FAM169A: variants seen among roughly 807,000 people sequenced by gnomAD.
FAM169A encodes the protein soluble lamin-associated protein of 75 kDa.
In FAM169A, 24 loss-of-function variants were observed where a neutral mutation model predicts 75.7. The observed-to-expected ratio is 0.32, with a 90% CI of 0.23 to 0.45. The LOEUF (loss-of-function observed/expected upper bound fraction) is 0.45, where lower values mean the gene tolerates loss of function less well. Ranked by LOEUF, FAM169A falls within the 20% of genes least tolerant of loss-of-function variation. The pLI, the probability that FAM169A is intolerant of heterozygous loss-of-function variation, is 1.00. For synonymous variants in FAM169A, 271 were observed against 271.0 expected (o/e 1.00, Z 0.00); for missense variants, 673 against 784.0 (o/e 0.86, Z 1.69).
chr5:74,799,747 T>G lies in FAM169A; in HGVS notation c.1103+1133A>C. 5 of 1,140,070 alleles carry G rather than the reference T, an allele frequency of 4.4e-6. No individual in the cohort carries two copies. In the South Asian group the frequency reaches 6.1e-5, roughly 14 times the overall value. The allele number at this position is 1,140,070 out of a possible 1,614,324, so 70.6% of individuals were successfully genotyped here. On this transcript the variant is annotated intron_variant, in intron 10 of 12. Coordinates refer to ENST00000687041, the MANE Select transcript of FAM169A (RefSeq NM_001376049.1). Reference sequence around the variant, plus strand: ...ACGGAGTTCCAGCTGCTCCTGAGTGTGTCATCTGTCTCAGACAACAGCGCC... The same window carrying G: ...ACGGAGTTCCAGCTGCTCCTGAGTGGGTCATCTGTCTCAGACAACAGCGCC...
intron 11 of FAM169A, among the ~76,000 whole-genome samples, chr5:74,791,312 T>G (rs1745962766): frequency 6.6e-6 from 1 of 152,198 alleles, no homozygotes; most frequent in Non-Finnish European, 1.5e-5. Context: ...GGTCCAGGAA[T>G]CCAGGGGTAA....
chr5:74,783,151 G>A lies in FAM169A; in HGVS notation c.1261-17C>T. 1 of 1,568,760 alleles carries A rather than the reference G, an allele frequency of 6.4e-7. No individual in the cohort carries two copies. The highest frequency in any genetic ancestry group is 8.7e-7 in the Non-Finnish European group (1 of 1,147,016). On this transcript the variant is annotated splice_polypyrimidine_tract_variant and intron_variant, in intron 11 of 12. Transcript: ENST00000687041. ...TTCAGATTCCTACACCATGAGGAGA[G>A]AGGGAAAAAGTAAGGACATGATTAC...
At chr5:74,831,853 T>C (rs1260210536) in intron 5 of FAM169A, among the ~76,000 whole-genome samples, 2 of 152,110 alleles carry the variant, frequency 1.3e-5, no homozygotes, top group Admixed American at 6.5e-5. Context: ...CTAAAAACAT[T>C]ATGAGACACG....
Position 74,813,949 on chromosome 5 carries a change from C to A in FAM169A, c.561G>T (p.Lys187Asn). 1 of 1,608,126 alleles carries A rather than the reference C, an allele frequency of 6.2e-7. No individual in the cohort carries two copies. Among genetic ancestry groups the A allele is most frequent in the Non-Finnish European group, 8.5e-7 (1 of 1,178,538 alleles). The change falls in exon 6 of 13, where the codon AAG becomes AAT. Residue 187 changes from lysine to asparagine, a missense_variant. Coordinates refer to ENST00000687041, the MANE Select transcript of FAM169A (RefSeq NM_001376049.1). ...LPVLDTMFLR[K>N]KYRGKDFGLH... is the part of the protein sequence containing the mutation. ...GCCCAAAATCTTTACCTCTGTATTT[C>A]TTTCTTAGAAACATTGTATCAAGAA...
intron 5 of FAM169A, among the ~76,000 whole-genome samples, chr5:74,821,248 G>A (rs921302972): frequency 2.6e-5 from 4 of 151,826 alleles, no homozygotes; most frequent in East Asian, 1.9e-4. Context: ...CACTTCCCCC[G>A]CCTCCCTTTC....
chr5:74,788,260 T>C (rs1372838968), intron 11 of FAM169A, among the ~76,000 whole-genome samples: 2 of 152,188 alleles, frequency 1.3e-5, no homozygotes, highest in Non-Finnish European at 1.5e-5. Context: ...ACTCATCCTG[T>C]GGTCATTTCC....
intron 3 of FAM169A, 129 bp from the exon 4 acceptor site, chr5:74,839,179 T>C (rs1748723013): frequency 7.6e-6 from 5 of 657,792 alleles, no homozygotes; most frequent in South Asian, 6.1e-5. Context: ...CCTTACCAAA[T>C]AGTAATATTG....
chr5:74,817,193 T>C (rs1358688420), intron 5 of FAM169A, among the ~76,000 whole-genome samples: 1 of 151,878 alleles, frequency 6.6e-6, no homozygotes, highest in East Asian at 1.9e-4. Context: ...AGGATCTAGC[T>C]AGAATAATTA....
intron 5 of FAM169A, among the ~76,000 whole-genome samples, chr5:74,831,316 T>G (rs1383800413): frequency 6.6e-6 from 1 of 152,190 alleles, no homozygotes; most frequent in Non-Finnish European, 1.5e-5. Context: ...ATTTCTGAGT[T>G]GTACAGTAGA....
At chr5:74,808,808 A>C (rs1747020355) in intron 6 of FAM169A, among the ~76,000 whole-genome samples, 1 of 152,198 alleles carries the variant, frequency 6.6e-6, no homozygotes, top group Non-Finnish European at 1.5e-5. Context: ...TTCAAAGAGA[A>C]CATCAATTGT....
At chr5:74,790,729 A>G (rs1745932350) in intron 11 of FAM169A, among the ~76,000 whole-genome samples, 1 of 152,186 alleles carries the variant, frequency 6.6e-6, no homozygotes, top group Non-Finnish European at 1.5e-5. Flanking sequence ...GCTCAGCAAC[A>G]TGGACTTCCA....
chr5:74,854,442 T>C (rs1749605006), intron 1 of FAM169A, among the ~76,000 whole-genome samples: 1 of 152,088 alleles, frequency 6.6e-6, no homozygotes, highest in African/African-American at 2.4e-5. Context: ...ACCTGAGGCA[T>C]TTATCCTTTG....
chr5:74,842,122 A>G (rs1748899456), intron 1 of FAM169A, among the ~76,000 whole-genome samples: 1 of 149,782 alleles, frequency 6.7e-6, no homozygotes, highest in Non-Finnish European at 1.5e-5. Context: ...CAAAAAAAAA[A>G]AAATCTAAAA....
At chr5:74,813,815 T>C (rs1747332866) in intron 6 of FAM169A, 25 bp downstream of exon 6, 1 of 1,472,898 alleles carries the variant, frequency 6.8e-7, no homozygotes, top group Admixed American at 2.5e-5. Flanking sequence ...GACAAGTTTA[T>C]TATTTTTTAA....
intron 11 of FAM169A, among the ~76,000 whole-genome samples, chr5:74,793,665 T>C (rs1275987321): frequency 2.6e-5 from 4 of 152,066 alleles, no homozygotes; most frequent in Non-Finnish European, 5.9e-5. Context: ...AATGAATTTA[T>C]CCATGTAACC....
chr5:74,800,828 CA>C (rs1359949377), intron 10 of FAM169A, 51 bp downstream of exon 10: 10 of 1,023,414 alleles, frequency 9.8e-6, no homozygotes, highest in African/African-American at 1.7e-5. Flanking sequence ...AAAGTATAAA[CA>C]AAAAATAAAA....
At chr5:74,850,896 A>T (rs1464400816) in intron 1 of FAM169A, among the ~76,000 whole-genome samples, 1 of 152,160 alleles carries the variant, frequency 6.6e-6, no homozygotes, top group African/African-American at 2.4e-5. Context: ...AAAAATGCCT[A>T]CTTGCATTAG....
In FAM169A at chr5:74,778,558, G is replaced by C. The variant is rs1457066361; in HGVS notation, c.*2902C>G. 6.6e-6 allele frequency: 1 copy of C among 151,584 alleles called. No homozygotes were observed. The highest frequency in any genetic ancestry group is 1.5e-5 in the Non-Finnish European group (1 of 67,854). The allele number at this position is 151,584 out of a possible 1,614,324, so 9.4% of individuals were successfully genotyped here. On this transcript the variant is annotated 3_prime_UTR_variant, in exon 13 of 13. Transcript: ENST00000687041. ...TACCATGAATATAGACACATTTTAA[G>C]TAGAAGACTGACGTTCTAAATCATG...
At chr5:74,830,589 C>A (rs1748262886) in intron 5 of FAM169A, among the ~76,000 whole-genome samples, 1 of 152,136 alleles carries the variant, frequency 6.6e-6, no homozygotes, top group South Asian at 2.1e-4. Context: ...TAAATAATTC[C>A]TAGCCTTAGA....
Sources: gnomAD v4.1 joint callset for allele counts (sites outside exome capture counted in the v4.1 genomes callset) on GRCh38, gnomAD v4.1.1 for gene constraint, MANE v1.5 for transcripts, NCBI Gene and HGNC (gene_info 2026-07-23, HGNC 2026-07-21) for gene names.